HAO2: variants seen among roughly 807,000 people sequenced by gnomAD.
HAO2 encodes the protein 2-Hydroxyacid oxidase 2.
In HAO2, 42 loss-of-function variants were observed where a neutral mutation model predicts 37.4. That is an observed-to-expected ratio of 1.12 (90% CI 0.88 to 1.45). The LOEUF is 1.45. HAO2 is among the 40% of genes most tolerant of loss of function. HAO2 has a pLI of 0.00. For synonymous variants in HAO2, 180 were observed against 162.8 expected, an observed-to-expected ratio of 1.11 and a Z score of -0.81; for missense variants, 476 against 430.2, an observed-to-expected ratio of 1.11 and a Z score of -0.94.
At chr1:119,380,895 C>T (rs906530894) in intron 1 of HAO2, among the ~76,000 whole-genome samples, 183 bp from the exon 2 acceptor site, 27 of 152,084 alleles carry the variant, frequency 1.8e-4, no homozygotes, top group African/African-American at 4.3e-4. Flanking sequence ...GAAGGGTGGA[C>T]GATTACTCTC....
intron 5 of HAO2, among the ~76,000 whole-genome samples, chr1:119,389,156 A>ATG (rs1650647756): frequency 1.3e-5 from 1 of 77,968 alleles, no homozygotes; most frequent in African/African-American, 4.4e-5. Context: ...ATATATATAT[A>ATG]TATATATATA....
At chr1:119,376,421 C>T (rs587768388) in intron 1 of HAO2, among the ~76,000 whole-genome samples, 1 of 152,310 alleles carries the variant, frequency 6.6e-6, no homozygotes, top group South Asian at 2.1e-4. Flanking sequence ...CTGGCTGCTT[C>T]CACAGGCTAA....
intron 2 of HAO2, among the ~76,000 whole-genome samples, chr1:119,382,521 A>G (rs1376802143): frequency 6.6e-6 from 1 of 152,152 alleles, no homozygotes; most frequent in African/African-American, 2.4e-5. Context: ...AGAGGAAAAG[A>G]GACTGGAACC....
chr1:119,387,148 T>G (rs1413810187), intron 5 of HAO2, among the ~76,000 whole-genome samples: 2 of 152,194 alleles, frequency 1.3e-5, no homozygotes, highest in African/African-American at 4.8e-5. Flanking sequence ...TTAGTTCACT[T>G]AAGATAATAA....
At chr1:119,377,392 T>A (rs587744043) in intron 1 of HAO2, among the ~76,000 whole-genome samples, 1 of 152,298 alleles carries the variant, frequency 6.6e-6, no homozygotes, top group South Asian at 2.1e-4. Context: ...TTGTCCATAT[T>A]ACTATCAAAA....
At position 119,392,593 on chromosome 1, in the gene HAO2, C is replaced by T. The variant is rs376061942; in HGVS notation, c.931-25C>T. 1.1e-4 allele frequency: 161 copies of T among 1,518,428 alleles called. 1 individual carries two copies. Among genetic ancestry groups the T allele is most frequent in the Non-Finnish European group, 2.2e-5 (24 of 1,093,176 alleles). 94.1% of individuals were successfully genotyped at this position (1,518,428 alleles called of 1,614,324 possible). A position where few individuals can be genotyped will look rare whatever the true frequency, so the allele number is the denominator to read the frequency against. The stretch of plus-strand genomic sequence containing the variant: ...AATGTTCCTTTATGTCTCTTTGTGT[C>T]TCTGTCTGTCTGCCTCGGGAGCAGG... On this transcript the variant is annotated intron_variant, in intron 6 of 7. Transcript: ENST00000325945.
At chr1:119,377,754 A>G (rs1193100765) in intron 1 of HAO2, among the ~76,000 whole-genome samples, 1 of 152,246 alleles carries the variant, frequency 6.6e-6, no homozygotes, top group Admixed American at 6.5e-5. Context: ...GAGCACATGC[A>G]GGGAACTGCC....
At chr1:119,390,730 G>A (rs924106164) in intron 5 of HAO2, among the ~76,000 whole-genome samples, 2 of 152,090 alleles carry the variant, frequency 1.3e-5, no homozygotes, top group Admixed American at 1.3e-4. Flanking sequence ...GAGTCTTCTG[G>A]GGACAACAGC....
intron 6 of HAO2, 169 bp from the exon 7 acceptor site, chr1:119,392,449 C>A: frequency 1.4e-6 from 1 of 706,176 alleles, no homozygotes; most frequent in Non-Finnish European, 2.5e-6. Context: ...AGCTTTCATC[C>A]CCTATCTTTG....
intron 6 of HAO2, 109 bp downstream of exon 6, chr1:119,392,377 A>T: frequency 1.0e-6 from 1 of 991,072 alleles, no homozygotes; most frequent in Non-Finnish European, 1.5e-6. Flanking sequence ...TGATTCCTAA[A>T]GGATAGTTAC....
chr1:119,382,887 CA>C, intron 2 of HAO2, 27 bp from the exon 3 acceptor site: 1 of 1,607,258 alleles, frequency 6.2e-7, no homozygotes, highest in Non-Finnish European at 8.5e-7. Context: ...ATCTCACCAA[CA>C]GAAGATCTCT....
At position 119,385,067 on chromosome 1, in the gene HAO2, C is replaced by G. The variant is rs138318186; in HGVS notation, c.561+14C>G. 11 of 1,599,630 alleles carry G rather than the reference C, an allele frequency of 6.9e-6. No homozygotes were observed. Among genetic ancestry groups the G allele is most frequent in the Non-Finnish European group, 6.8e-6 (8 of 1,169,624 alleles). ...TCACCTAAAAAGGTAAGAAAGATACCAAATTCGATGGACAGGCATTACAAG... is the reference window on the plus strand; with the variant it reads ...TCACCTAAAAAGGTAAGAAAGATACGAAATTCGATGGACAGGCATTACAAG... On this transcript the variant is annotated intron_variant, in intron 4 of 7. Transcript: ENST00000325945.
At position 119,393,958 on chromosome 1, in the gene HAO2, T is replaced by A; in HGVS notation, c.*118T>A. On this transcript the variant is annotated 3_prime_UTR_variant, in exon 8 of 8. Coordinates refer to ENST00000325945, the MANE Select transcript of HAO2 (RefSeq NM_016527.4). ...ATTCTGTCCGGAGGCTCATGGCCCA[T>A]ATTTCCCACATTTCTAATACCACCA... 1 of 1,561,860 alleles carries A rather than the reference T, an allele frequency of 6.4e-7. No individual in the cohort carries two copies.
In HAO2 at chr1:119,386,798, T is replaced by C. The variant is rs745833547; in HGVS notation, c.738T>C (p.His246=). The part of the protein sequence containing the change: ...HNVQGIIVSN[H]GGRQLDEVLA... ...TCCAGGGTATCATTGTTTCCAACCA[T>C]GGTGGGAGGCAGCTTGATGAGGTTC... is the stretch of plus-strand genomic sequence containing the variant. Residue 246 remains histidine, a synonymous_variant, in exon 5 of 8, where the codon CAT becomes CAC. Transcript: ENST00000325945. The C allele has an allele frequency of 6.2e-7, 1 of 1,613,482 alleles. No homozygotes were observed. Among genetic ancestry groups the C allele is most frequent in the South Asian group, 1.1e-5 (1 of 91,066 alleles).
intron 5 of HAO2, among the ~76,000 whole-genome samples, chr1:119,389,922 G>T (rs1488220688): frequency 1.3e-5 from 2 of 152,088 alleles, no homozygotes; most frequent in African/African-American, 2.4e-5. Context: ...ATAGTTTCAG[G>T]TCTTAGAATT....
At chr1:119,369,023 A>G (rs587594906) in intron 1 of HAO2, 121 bp downstream of exon 1, 1 of 152,274 alleles carries the variant, frequency 6.6e-6, no homozygotes, top group Non-Finnish European at 1.5e-5. Context: ...GGACCTTGGC[A>G]AAGATGGTCC....
chr1:119,389,195 G>T (rs1213019588), intron 5 of HAO2, among the ~76,000 whole-genome samples: 4 of 43,986 alleles, frequency 9.1e-5, no homozygotes, highest in Admixed American at 5.2e-4. Context: ...TCCACTCATT[G>T]ATTGATGGGC....
At position 119,392,158 on chromosome 1, in the gene HAO2, G is replaced by A; in HGVS notation, c.820G>A (p.Val274Ile). 1 of 1,613,410 alleles carries A rather than the reference G, an allele frequency of 6.2e-7. No individual in the cohort carries two copies. The highest frequency in any genetic ancestry group is 8.5e-7 in the Non-Finnish European group (1 of 1,179,504). Residue 274 changes from valine (V) to isoleucine (I), a missense_variant, in exon 6 of 8, where the codon GTC (valine) becomes ATC (isoleucine). Val to Ile is a conservative substitution (Grantham distance 29). Coordinates refer to ENST00000325945, the MANE Select transcript of HAO2 (RefSeq NM_016527.4). ...GGCTGCTGTAAAGGGGAAAATTGAA[G>A]TCTACCTGGATGGCGGGGTCCGAAC... ...VVAAVKGKIE[V>I]YLDGGVRTGN...
In HAO2 at chr1:119,381,062, G is replaced by A. The variant is rs587628263; in HGVS notation, c.-8-16G>A. On this transcript the variant is annotated splice_polypyrimidine_tract_variant and intron_variant, in intron 1 of 7. Coordinates refer to ENST00000325945, the MANE Select transcript of HAO2 (RefSeq NM_016527.4). ...TTCTCACTGGGTTTGGTTTGGTTTT[G>A]TTTTCTCCTTGGAAGGTCCAGAAAT... 40 of 1,611,792 alleles carry A rather than the reference G, an allele frequency of 2.5e-5. No individual in the cohort carries two copies. The highest frequency in any genetic ancestry group is 3.3e-4 in the Middle Eastern group (2 of 6,050).
Sources: allele counts gnomAD v4.1 joint callset (sites outside exome capture counted in the v4.1 genomes callset), GRCh38; gene constraint gnomAD v4.1.1; transcripts MANE v1.5; gene names NCBI Gene and HGNC (gene_info 2026-07-23, HGNC 2026-07-21).